The following PKIA variants were observed in gnomAD, a reference collection of about 807,000 sequenced individuals.
PKIA encodes the protein cAMP-dependent protein kinase inhibitor alpha.
Under a neutral mutation model 7.6 loss-of-function variants are expected in PKIA, and 4 were observed. The observed-to-expected ratio is 0.52, with a 90% CI of 0.26 to 1.20. The LOEUF (loss-of-function observed/expected upper bound fraction) is 1.20, where lower values mean the gene tolerates loss of function less well. PKIA is among the 50% of genes most tolerant of loss of function. The probability of loss-of-function intolerance (pLI) is 0.13; values close to 1 mark genes in which losing one functional copy is unlikely to be tolerated. For synonymous variants in PKIA, 21 were observed against 30.7 expected (o/e 0.68, Z 1.04); for missense variants, 73 against 86.2 (o/e 0.85, Z 0.61).
intron 1 of PKIA, chr8:78,534,813 T>C (rs909163432): frequency 5.9e-5 from 9 of 152,202 alleles, no homozygotes; most frequent in African/African-American, 1.9e-4. Context: ...GCATAGACTA[T>C]TCTTTGGGAT....
intron 1 of PKIA, chr8:78,534,024 T>C (rs985554720): frequency 7.9e-5 from 12 of 152,110 alleles, no homozygotes. Flanking sequence ...CAAGCAAGTG[T>C]TTATTCAAAC....
chr8:78,596,333 G>A (rs745924079), intron 2 of PKIA, among the ~76,000 whole-genome samples: 7 of 152,046 alleles, frequency 4.6e-5, no homozygotes, highest in African/African-American at 1.2e-4. Flanking sequence ...TCCGCCTCCC[G>A]GGTTCAAGTG....
At chr8:78,576,457 T>A (rs1385132699) in intron 2 of PKIA, among the ~76,000 whole-genome samples, 4 of 151,766 alleles carry the variant, frequency 2.6e-5, no homozygotes, top group Non-Finnish European at 5.9e-5. Context: ...GAAGAATAAA[T>A]GTAAAAAGTT....
intron 2 of PKIA, among the ~76,000 whole-genome samples, chr8:78,588,524 C>G (rs543357493): frequency 2.0e-5 from 3 of 151,922 alleles, no homozygotes; most frequent in African/African-American, 7.2e-5. Context: ...CAGTGTAAAA[C>G]GCTAAATACA....
At chr8:78,570,739 C>A (rs1807526342) in intron 1 of PKIA, among the ~76,000 whole-genome samples, 1 of 152,048 alleles carries the variant, frequency 6.6e-6, no homozygotes. Context: ...TCTTTTTTTA[C>A]ACCCCTCTAA....
Position 78,604,850 on chromosome 8 carries a change from A to C in PKIA, c.*3029A>C, listed in dbSNP as rs555509099. ...ATAAATTCATAGAAATATTTTTAAA[A>C]ATAAATAACAGACATTGAAATCCAA... On this transcript the variant is annotated 3_prime_UTR_variant, in exon 4 of 4. Coordinates refer to ENST00000396418, the MANE Select transcript of PKIA (RefSeq NM_006823.4). The C allele has an allele frequency of 5.3e-5, 8 of 152,180 alleles. No individual in the cohort carries two copies. The South Asian group carries it at 1.5e-3, about 28-fold the overall frequency. 9.4% of individuals were successfully genotyped at this position (152,180 alleles called of 1,614,324 possible).
intron 2 of PKIA, among the ~76,000 whole-genome samples, chr8:78,581,142 A>G (rs1365635074): frequency 6.6e-6 from 1 of 152,072 alleles, no homozygotes; most frequent in Non-Finnish European, 1.5e-5. Context: ...CAGAGAAAGC[A>G]TAAGATGACC....
intron 2 of PKIA, among the ~76,000 whole-genome samples, chr8:78,579,733 A>G (rs188685260): frequency 1.3e-5 from 2 of 152,224 alleles, no homozygotes; most frequent in African/African-American, 4.8e-5. Context: ...GGAATTGTAG[A>G]CATGTGAGTT....
At position 78,602,799 on chromosome 8, in the gene PKIA, T is replaced by C. The variant is rs1358834770; in HGVS notation, c.*978T>C. 2 of 151,708 alleles carry C rather than the reference T, an allele frequency of 1.3e-5. No individual in the cohort carries two copies. The highest frequency in any genetic ancestry group is 3.9e-4 in the East Asian group (2 of 5,170). The allele number at this position is 151,708 out of a possible 1,614,324, so 9.4% of individuals were successfully genotyped here. On this transcript the variant is annotated 3_prime_UTR_variant, in exon 4 of 4. Coordinates refer to ENST00000396418, the MANE Select transcript of PKIA (RefSeq NM_006823.4). ...TAAGGACTGGAAATATTTTGTTCTA[T>C]GGAATCAAATTTCTCACAATGCTGT...
intron 1 of PKIA, among the ~76,000 whole-genome samples, chr8:78,561,253 C>T (rs1285375262): frequency 6.6e-6 from 1 of 152,114 alleles, no homozygotes; most frequent in Non-Finnish European, 1.5e-5. Flanking sequence ...ATAGGTGCCA[C>T]TGTTGGTCTA....
Position 78,603,042 on chromosome 8 carries a change from A to G in PKIA, c.*1221A>G, listed in dbSNP as rs1808389641. 6.6e-6 allele frequency: 1 copy of G among 152,422 alleles called. No homozygotes were observed. The highest frequency in any genetic ancestry group is 1.5e-5 in the Non-Finnish European group (1 of 67,950). The allele number at this position is 152,422 out of a possible 1,614,324, so 9.4% of individuals were successfully genotyped here. On this transcript the variant is annotated 3_prime_UTR_variant, in exon 4 of 4. Transcript: ENST00000396418. ...TAATTAGTGTGAATTGCATTCTGAT[A>G]CAATAATGATTATCATTAGAAGCTA...
intron 1 of PKIA, among the ~76,000 whole-genome samples, chr8:78,533,095 T>C (rs939651382): frequency 1.3e-5 from 2 of 152,110 alleles, no homozygotes; most frequent in African/African-American, 4.8e-5. Context: ...AATGGACTCA[T>C]TTCTGTCTTT....
chr8:78,557,698 TGA>T, intron 1 of PKIA, among the ~76,000 whole-genome samples: 1 of 152,196 alleles, frequency 6.6e-6, no homozygotes, highest in East Asian at 1.9e-4. Flanking sequence ...GAAAAGGGAC[TGA>T]GGCTGTTCAA....
At chr8:78,571,887 A>G (rs1807558483) in intron 1 of PKIA, among the ~76,000 whole-genome samples, 1 of 152,058 alleles carries the variant, frequency 6.6e-6, no homozygotes, top group South Asian at 2.1e-4. Context: ...CCTAGATTCT[A>G]ATGTTTTCAA....
chr8:78,576,523 C>A lies in PKIA; in HGVS notation c.-28+3584C>A, dbSNP rs191918614. ...AGAAGTTTCTGTGATAATGGGAATGCTCTCAGTGCTGTCTAACGTTGTATC... is the reference window on the plus strand; with the variant it reads ...AGAAGTTTCTGTGATAATGGGAATGATCTCAGTGCTGTCTAACGTTGTATC... On this transcript the variant is annotated intron_variant, in intron 2 of 3. Transcript: ENST00000396418. Among the ~76,000 whole-genome samples, 3 of 152,014 alleles carry A rather than the reference C, an allele frequency of 2.0e-5. No individual in the cohort carries two copies. The East Asian group carries it at 5.8e-4, about 29-fold the overall frequency.
intron 2 of PKIA, among the ~76,000 whole-genome samples, chr8:78,584,774 C>A (rs1807909483): frequency 6.6e-6 from 1 of 152,020 alleles, no homozygotes; most frequent in Non-Finnish European, 1.5e-5. Flanking sequence ...ATTTAGAGTG[C>A]AAACTAGAAA....
intron 1 of PKIA, among the ~76,000 whole-genome samples, chr8:78,539,522 G>A (rs1806619984): frequency 6.6e-6 from 1 of 151,978 alleles, no homozygotes; most frequent in African/African-American, 2.4e-5. Context: ...ATTGAGTTTT[G>A]TTGTTTTTCT....
At chr8:78,560,564 T>A (rs1807260888) in intron 1 of PKIA, among the ~76,000 whole-genome samples, 1 of 152,188 alleles carries the variant, frequency 6.6e-6, no homozygotes, top group South Asian at 2.1e-4. Flanking sequence ...ATAACTAAAG[T>A]GATGAATATT....
At chr8:78,560,211 T>C (rs1807252509) in intron 1 of PKIA, among the ~76,000 whole-genome samples, 1 of 152,338 alleles carries the variant, frequency 6.6e-6, no homozygotes, top group East Asian at 1.9e-4. Flanking sequence ...TGCTTCCTTC[T>C]GGCAGTTGCA....
Sources: gnomAD v4.1 joint callset for allele counts (sites outside exome capture counted in the v4.1 genomes callset) on GRCh38, gnomAD v4.1.1 for gene constraint, MANE v1.5 for transcripts, NCBI Gene and HGNC (gene_info 2026-07-23, HGNC 2026-07-21) for gene names.